CDC14A: variants seen among roughly 807,000 people sequenced by gnomAD.
CDC14A encodes cell division cycle 14A.
In CDC14A, 53 loss-of-function variants were observed where a neutral mutation model predicts 74.4. The ratio of observed to expected loss-of-function variants is 0.71; its 90% CI spans 0.57 to 0.89. The LOEUF (loss-of-function observed/expected upper bound fraction) is 0.89, where lower values mean the gene tolerates loss of function less well. CDC14A is among the 40% of genes least tolerant of loss of function. The pLI, the probability that CDC14A is intolerant of heterozygous loss-of-function variation, is 0.00. For missense variants in CDC14A, 646 were observed against 713.7 expected (o/e 0.91, Z 1.08); for synonymous variants, 247 against 258.4 (o/e 0.96, Z 0.43).
At chr1:100,368,540 T>A (rs1653968758) in intron 2 of CDC14A, among the ~76,000 whole-genome samples, 1 of 152,222 alleles carries the variant, frequency 6.6e-6, no homozygotes, top group African/African-American at 2.4e-5. Flanking sequence ...GAAGTTGGAT[T>A]GTAATGGTTA....
intron 11 of CDC14A, among the ~76,000 whole-genome samples, chr1:100,491,107 C>T (rs1401367568): frequency 1.3e-5 from 2 of 152,090 alleles, no homozygotes; most frequent in African/African-American, 2.4e-5. Context: ...AGACAGAGAA[C>T]AGCCTAACCT....
At chr1:100,392,941 G>T in intron 4 of CDC14A, 1 of 817,824 alleles carries the variant, frequency 1.2e-6, no homozygotes, top group Non-Finnish European at 1.9e-6. Context: ...AACATCAATG[G>T]TTTTGGGAAG....
intron 4 of CDC14A, among the ~76,000 whole-genome samples, chr1:100,409,881 G>A (rs993043284): frequency 2.6e-5 from 4 of 152,192 alleles, no homozygotes; most frequent in African/African-American, 7.2e-5. Context: ...CAGTTTGAAT[G>A]TGGTAAAGTA....
At chr1:100,499,290 C>T (rs758577309) in intron 15 of CDC14A, 28 bp downstream of exon 15, 3 of 1,614,168 alleles carry the variant, frequency 1.9e-6, no homozygotes, top group East Asian at 2.2e-5. Flanking sequence ...ACCTCCTGGT[C>T]CTCAGAACCC....
chr1:100,375,487 T>A (rs979523498), intron 2 of CDC14A, among the ~76,000 whole-genome samples: 6 of 152,066 alleles, frequency 3.9e-5, no homozygotes, highest in Non-Finnish European at 7.4e-5. Context: ...AGAGAGATTT[T>A]AAAAAGTACA....
intron 9 of CDC14A, among the ~76,000 whole-genome samples, chr1:100,465,689 G>A (rs950974749): frequency 6.6e-6 from 1 of 152,196 alleles, no homozygotes; most frequent in African/African-American, 2.4e-5. Flanking sequence ...CCAATTTGCT[G>A]GGGATTACAT....
Position 100,518,314 on chromosome 1 carries a change from T to C in CDC14A, c.*34T>C, listed in dbSNP as rs1304380866. ...CACTCCAGTGAAAGCTGTTCTTCTC[T>C]TAGACACAATTTCTTCATCTGGACG... On this transcript the variant is annotated 3_prime_UTR_variant, in exon 16 of 16. Transcript: ENST00000336454. The C allele has an allele frequency of 2.5e-6, 4 of 1,572,874 alleles. No homozygotes were observed. In the Admixed American group the frequency reaches 6.7e-5, roughly 26 times the overall value.
At chr1:100,487,863 C>T (rs1253214748) in intron 11 of CDC14A, among the ~76,000 whole-genome samples, 1 of 152,156 alleles carries the variant, frequency 6.6e-6, no homozygotes, top group Non-Finnish European at 1.5e-5. Flanking sequence ...TACTTTTCCC[C>T]CACAGTCCTC....
Position 100,498,134 on chromosome 1 carries a change from A to G in CDC14A, c.1348A>G (p.Met450Val), listed in dbSNP as rs1408604000. ...TGCAGTTACTTTGAAGACATCAAAA[A>G]TGGCACTGTCCCCTTCAGCAACGGC... Reference protein sequence around the residue: ...GSAVTLKTSKMALSPSATAKR... With the variant: ...GSAVTLKTSKVALSPSATAKR... The change falls in exon 14 of 16, where the codon ATG (methionine) becomes GTG (valine). Residue 450 changes from methionine to valine, a missense_variant. Transcript: ENST00000336454. 1 of 1,614,162 alleles carries G rather than the reference A, an allele frequency of 6.2e-7. No individual in the cohort carries two copies. Among genetic ancestry groups the G allele is most frequent in the Admixed American group, 1.7e-5 (1 of 60,024 alleles).
In CDC14A at chr1:100,519,581, T is replaced by A. The variant is rs1444948039; in HGVS notation, c.*1301T>A. The A allele has an allele frequency of 6.6e-6, 1 of 152,554 alleles. No homozygotes were observed. Among genetic ancestry groups the A allele is most frequent in the Non-Finnish European group, 1.5e-5 (1 of 67,996 alleles). 9.5% of individuals were successfully genotyped at this position (152,554 alleles called of 1,614,324 possible). On this transcript the variant is annotated 3_prime_UTR_variant, in exon 16 of 16. Transcript: ENST00000336454. ...ATTGAGTTATTTATAATGTATTTAT[T>A]AGGGGAGGGTACCTTGAGTCTATTA...
chr1:100,485,524 C>T (rs1272851991), intron 11 of CDC14A, among the ~76,000 whole-genome samples: 2 of 151,994 alleles, frequency 1.3e-5, no homozygotes, highest in African/African-American at 4.8e-5. Context: ...GATGGCGTCA[C>T]TGCACTCTAT....
chr1:100,418,891 G>C (rs919534777), intron 4 of CDC14A, among the ~76,000 whole-genome samples: 3 of 152,102 alleles, frequency 2.0e-5, no homozygotes, highest in Non-Finnish European at 2.9e-5. Context: ...ATAATTGAAA[G>C]AGACTGTGGA....
intron 8 of CDC14A, among the ~76,000 whole-genome samples, chr1:100,457,239 A>G (rs116565554): frequency 6.6e-6 from 1 of 152,204 alleles, no homozygotes; most frequent in Non-Finnish European, 1.5e-5. Context: ...GTATATAGAC[A>G]TTGTATATTC....
intron 4 of CDC14A, among the ~76,000 whole-genome samples, chr1:100,402,561 C>T (rs1049517742): frequency 2.3e-4 from 35 of 152,036 alleles, no homozygotes; most frequent in African/African-American, 8.2e-4. Context: ...AAAAAAGACC[C>T]ACTTTTGCAA....
chr1:100,441,973 A>G (rs1030054245), intron 6 of CDC14A, among the ~76,000 whole-genome samples: 3 of 152,074 alleles, frequency 2.0e-5, no homozygotes, highest in African/African-American at 7.2e-5. Context: ...TGACTTGATC[A>G]TGTAACTTTT....
intron 2 of CDC14A, among the ~76,000 whole-genome samples, chr1:100,369,662 C>T (rs373956253): frequency 6.6e-6 from 1 of 151,932 alleles, no homozygotes; most frequent in Non-Finnish European, 1.5e-5. Flanking sequence ...ATATTTTTCC[C>T]CTTCTGTATG....
chr1:100,498,536 G>T (rs1648213462), intron 14 of CDC14A, among the ~76,000 whole-genome samples: 1 of 152,198 alleles, frequency 6.6e-6, no homozygotes, highest in African/African-American at 2.4e-5. Flanking sequence ...ACCAAAATGG[G>T]TAGGGATGTT....
At chr1:100,504,213 T>C (rs1463369651) in intron 15 of CDC14A, among the ~76,000 whole-genome samples, 1 of 152,068 alleles carries the variant, frequency 6.6e-6, no homozygotes, top group African/African-American at 2.4e-5. Flanking sequence ...AAGTGAAACT[T>C]ATTATAGCCT....
intron 10 of CDC14A, among the ~76,000 whole-genome samples, chr1:100,480,351 C>T (rs1294078569): frequency 1.3e-5 from 2 of 152,132 alleles, no homozygotes; most frequent in African/African-American, 4.8e-5. Flanking sequence ...CAATAATATT[C>T]CATTGTATGT....
Sources: gnomAD v4.1 joint callset for allele counts (sites outside exome capture counted in the v4.1 genomes callset) on GRCh38, gnomAD v4.1.1 for gene constraint, MANE v1.5 for transcripts, NCBI Gene and HGNC (gene_info 2026-07-23, HGNC 2026-07-21) for gene names.